KCNU1: variants seen among roughly 807,000 people sequenced by gnomAD.
KCNU1 encodes the protein potassium channel subfamily U member 1.
Under a neutral mutation model 126.8 loss-of-function variants are expected in KCNU1, and 93 were observed. That is an observed-to-expected ratio of 0.73 (90% CI 0.62 to 0.87). The LOEUF (loss-of-function observed/expected upper bound fraction) is 0.87, where lower values mean the gene tolerates loss of function less well. KCNU1 is among the 40% of genes least tolerant of loss of function. KCNU1 has a pLI of 0.00. For missense variants in KCNU1, 1,330 were observed against 1,367.1 expected, an observed-to-expected ratio of 0.97 and a Z score of 0.43; for synonymous variants, 523 against 494.2, an observed-to-expected ratio of 1.06 and a Z score of -0.77.
intron 19 of KCNU1, among the ~76,000 whole-genome samples, chr8:36,880,165 CTTGTTT>C (rs1806424295): frequency 6.6e-6 from 1 of 152,176 alleles, no homozygotes; most frequent in Non-Finnish European, 1.5e-5. Flanking sequence ...TCTCTGCTGA[CTTGTTT>C]TATTAGCTTC....
At chr8:36,883,232 A>C (rs984831177) in intron 19 of KCNU1, among the ~76,000 whole-genome samples, 6 of 152,136 alleles carry the variant, frequency 3.9e-5, no homozygotes, top group Non-Finnish European at 5.9e-5. Flanking sequence ...ATGCTCACCA[A>C]TTTCCTCTTC....
intron 2 of KCNU1, among the ~76,000 whole-genome samples, chr8:36,798,371 A>G (rs908546187): frequency 3.3e-5 from 5 of 152,188 alleles, no homozygotes; most frequent in Non-Finnish European, 7.3e-5. Context: ...GAAAGTCAAA[A>G]TATTTTACCC....
rs532794356 is a variant in KCNU1 at position 36,836,940 on chromosome 8, A to C, written c.1513A>C (p.Lys505Gln). Residue 505 changes from lysine to glutamine, a missense_variant, in exon 14 of 27, where the codon AAA becomes CAA. Physicochemically the swap from Lys to Gln is moderately conservative, Grantham distance 53. This residue lies in a region of KCNU1 where 1,054 missense variants were observed against 1,053.9 expected (regional missense o/e 1.00). Coordinates refer to ENST00000399881, the MANE Select transcript of KCNU1 (RefSeq NM_001031836.3). ...AACATCTCTATTTGTGGAGCAAAAC[A>C]AAAAGGTAACCTTGTAAATTACTGT... ...FLTSLFVEQN[K>Q]KVMPKQTWKK... 9.3e-6 allele frequency: 15 copies of C among 1,613,456 alleles called. No homozygotes were observed. The highest frequency in any genetic ancestry group is 1.3e-5 in the Non-Finnish European group (15 of 1,179,582).
chr8:36,913,723 T>C (rs1807981483), intron 22 of KCNU1, among the ~76,000 whole-genome samples: 1 of 151,500 alleles, frequency 6.6e-6, no homozygotes, highest in Non-Finnish European at 1.5e-5. Context: ...TGGCTCAGCC[T>C]CCCAAGTAGC....
chr8:36,935,268 G>T (rs1808817670), intron 26 of KCNU1, among the ~76,000 whole-genome samples: 1 of 152,132 alleles, frequency 6.6e-6, no homozygotes, highest in Non-Finnish European at 1.5e-5. Context: ...GTCAGAAGTG[G>T]TTGGGTTCAG....
chr8:36,815,477 A>G (rs1404559098), intron 8 of KCNU1, 119 bp from the exon 9 acceptor site: 3 of 551,560 alleles, frequency 5.4e-6, no homozygotes, highest in East Asian at 3.2e-5. Flanking sequence ...ACATGCTATC[A>G]TGTGCTCTTA....
Position 36,823,794 on chromosome 8 carries a change from C to T in KCNU1, c.1106+6034C>T, listed in dbSNP as rs544423389. Reference sequence around the variant, plus strand: ...AAAAATATGCCAGAATGTTTATTCACGTCTAAAATAGCAAGGAAATAATTA... The same window carrying T: ...AAAAATATGCCAGAATGTTTATTCATGTCTAAAATAGCAAGGAAATAATTA... On this transcript the variant is annotated intron_variant, in intron 10 of 26. Transcript: ENST00000399881. Among the ~76,000 whole-genome samples, 35 of 149,472 alleles carry T rather than the reference C, an allele frequency of 2.3e-4. 1 individual carries two copies. Among genetic ancestry groups the T allele is most frequent in the African/African-American group, 7.9e-4 (32 of 40,728 alleles).
chr8:36,925,057 A>G (rs1246750895), intron 24 of KCNU1, among the ~76,000 whole-genome samples: 1 of 152,158 alleles, frequency 6.6e-6, no homozygotes, highest in Non-Finnish European at 1.5e-5. Flanking sequence ...GCACCTGATC[A>G]TGACATTGGC....
At chr8:36,834,427 A>C (rs1310855796) in intron 11 of KCNU1, among the ~76,000 whole-genome samples, 2 of 152,222 alleles carry the variant, frequency 1.3e-5, no homozygotes, top group African/African-American at 2.4e-5. Flanking sequence ...AACTGTCCTG[A>C]AAGATAAGTA....
chr8:36,803,418 G>C (rs1479930501), intron 2 of KCNU1, among the ~76,000 whole-genome samples: 2 of 152,022 alleles, frequency 1.3e-5, no homozygotes, highest in African/African-American at 4.8e-5. Flanking sequence ...AACACCCCCA[G>C]GGCTTTTAAT....
At chr8:36,933,765 ATT>A (rs1253760769) in intron 26 of KCNU1, among the ~76,000 whole-genome samples, 1 of 152,016 alleles carries the variant, frequency 6.6e-6, no homozygotes, top group African/African-American at 2.4e-5. Context: ...AACAGCAACA[ATT>A]TTTTTGGCCC....
At chr8:36,899,627 G>C (rs1264193201) in intron 19 of KCNU1, among the ~76,000 whole-genome samples, 1 of 152,002 alleles carries the variant, frequency 6.6e-6, no homozygotes, top group Non-Finnish European at 1.5e-5. Context: ...GGAGAGACCA[G>C]GAAGCAGAGA....
chr8:36,909,475 G>C lies in KCNU1; in HGVS notation c.2271G>C (p.Leu757=). ...ELKDIVFIGS[L]DYLQREWRFL... is the part of the protein sequence containing the mutation. ...AGGACATAGTGTTCATTGGGTCTCT[G>C]GACTATCTACAGAGAGAATGGCGAT... The change falls in exon 21 of 27, where the codon CTG becomes CTC. Residue 757 remains leucine, a synonymous_variant. Coordinates refer to ENST00000399881, the MANE Select transcript of KCNU1 (RefSeq NM_001031836.3). The C allele has an allele frequency of 6.2e-7, 1 of 1,613,404 alleles. No homozygotes were observed. The highest frequency in any genetic ancestry group is 8.5e-7 in the Non-Finnish European group (1 of 1,179,418).
Position 36,841,017 on chromosome 8 carries a change from T to G in KCNU1, c.1703+14T>G. 5 of 1,315,222 alleles carry G rather than the reference T, an allele frequency of 3.8e-6. No individual in the cohort carries two copies. Among genetic ancestry groups the G allele is most frequent in the Non-Finnish European group, 5.5e-6 (5 of 912,584 alleles). 81.5% of individuals were successfully genotyped at this position (1,315,222 alleles called of 1,614,324 possible). On this transcript the variant is annotated intron_variant, in intron 16 of 26. Coordinates refer to ENST00000399881, the MANE Select transcript of KCNU1 (RefSeq NM_001031836.3). ...GGATGGTTTCTGGTACCAATAAGTC[T>G]GCTCATCTCTTCAGTTGTTTTTTTT...
At chr8:36,804,119 CT>C in intron 3 of KCNU1, 31 bp downstream of exon 3, 1 of 1,425,340 alleles carries the variant, frequency 7.0e-7, no homozygotes, top group Admixed American at 2.0e-5. Context: ...CACTTGTCTG[CT>C]ATATCAGTAC....
At position 36,789,373 on chromosome 8, in the gene KCNU1, A is replaced by AT. The variant is rs367566252; in HGVS notation, c.315+1948_315+1949insT. The stretch of plus-strand genomic sequence containing the variant: ...AGAGAGACCCCATCTAAAAAAAAAA[A>AT]CACTCTAGCATGGAAAGGCATAACT... On this transcript the variant is annotated intron_variant, in intron 2 of 26. Transcript: ENST00000399881. Among the ~76,000 whole-genome samples, 26 of 152,188 alleles carry AT rather than the reference A, an allele frequency of 1.7e-4. No homozygotes were observed. In the East Asian group the frequency reaches 5.0e-3, roughly 29 times the overall value.
chr8:36,858,576 A>G (rs1464829413), intron 18 of KCNU1, among the ~76,000 whole-genome samples: 2 of 152,230 alleles, frequency 1.3e-5, no homozygotes, highest in Non-Finnish European at 2.9e-5. Context: ...ACTTTCTGAA[A>G]AGAAATTACA....
intron 24 of KCNU1, chr8:36,928,836 C>A (rs1238352755): frequency 7.1e-6 from 4 of 566,816 alleles, no homozygotes; most frequent in Non-Finnish European, 1.3e-5. Context: ...CTGAGGACAA[C>A]CAGTGTCAGA....
Position 36,804,701 on chromosome 8 carries a change from A to G in KCNU1, c.378-494A>G, listed in dbSNP as rs1445911077. On this transcript the variant is annotated intron_variant, in intron 3 of 26. Transcript: ENST00000399881. ...AAAATGGAATTGGGATTGCAGGGCC[A>G]CAGAAAGCCAAGCAACTTTAGAGAA... is the stretch of plus-strand genomic sequence containing the variant. 2.0e-5 allele frequency among the ~76,000 whole-genome samples: 3 copies of G among 152,218 alleles called. No individual in the cohort carries two copies. In the East Asian group the frequency reaches 5.8e-4, roughly 29 times the overall value.
Sources: gnomAD v4.1 joint callset for allele counts (sites outside exome capture counted in the v4.1 genomes callset) on GRCh38, gnomAD v4.1.1 for gene constraint, gnomAD v4.1.1 regional missense constraint, MANE v1.5 for transcripts, NCBI Gene and HGNC (gene_info 2026-07-23, HGNC 2026-07-21) for gene names.